EP400: variants seen among roughly 807,000 people sequenced by gnomAD.
EP400 encodes E1A-binding protein p400.
EP400 carries 105 observed loss-of-function variants against 354.1 expected under a neutral mutation model. That is an observed-to-expected ratio of 0.30 (90% CI 0.25 to 0.35). EP400 has a LOEUF of 0.35. EP400 is among the 10% of genes least tolerant of loss of function. The pLI is 1.00. For missense variants in EP400, 3,280 were observed against 4,121.0 expected, an observed-to-expected ratio of 0.80 and a Z score of 5.59; for synonymous variants, 1,646 against 1,716.9, an observed-to-expected ratio of 0.96 and a Z score of 1.02.
chr12:132,023,721 C>T (rs1023220447), intron 23 of EP400, 56 bp from the exon 24 acceptor site: 10 of 1,586,424 alleles, frequency 6.3e-6, no homozygotes, highest in African/African-American at 4.1e-5. Flanking sequence ...CAATATGACA[C>T]TCCCAAATTT....
At position 132,052,878 on chromosome 12, in the gene EP400, G is replaced by GTTC. The variant is rs1895349381; in HGVS notation, c.7395-268_7395-267insTTC. 6.6e-6 allele frequency among the ~76,000 whole-genome samples: 1 copy of GTTC among 152,156 alleles called. No homozygotes were observed. Among genetic ancestry groups the GTTC allele is most frequent in the Non-Finnish European group, 1.5e-5 (1 of 68,008 alleles). On this transcript the variant is annotated intron_variant, in intron 41 of 52. Transcript: ENST00000389561. This position sits in a 1 kb window ranked among gnomAD's most constrained non-coding sequence, Gnocchi z 4.4. The stretch of plus-strand genomic sequence containing the variant: ...GAGGTGGGCTGTGCGTTTGGGGGCT[G>GTTC]CCACAAGTACGCTGGGGACGTGTTC...
intron 2 of EP400, among the ~76,000 whole-genome samples, chr12:131,974,999 A>G (rs1892421954): frequency 6.6e-6 from 1 of 151,748 alleles, no homozygotes. Flanking sequence ...AAAAAAAAAA[A>G]AAAAAAAAAA....
At chr12:132,045,611 A>T in intron 38 of EP400, 51 bp downstream of exon 38, 1 of 1,607,304 alleles carries the variant, frequency 6.2e-7, no homozygotes, top group Non-Finnish European at 8.5e-7. Context: ...CATTTTTCTA[A>T]CGCACGTCCG....
chr12:132,062,162 G>A lies in EP400; in HGVS notation c.7937G>A (p.Arg2646Gln), dbSNP rs372924222. The change falls in exon 46 of 53, where the codon CGG (arginine) becomes CAG (glutamine). Residue 2646 changes from arginine (R) to glutamine (Q), a missense_variant. Physicochemically the swap from Arg to Gln is conservative, Grantham distance 43. Around this residue, in one of 20 missense-constraint regions of EP400, gnomAD observed 255 missense variants for 295.9 expected, o/e 0.86. Transcript: ENST00000389561. ...GTGGTGCACACCCAGCCCCCGCCAC[G>A]GGCAGTCGGCTCCCCAGCCACGGCG... ...AQVVHTQPPP[R>Q]AVGSPATATP... is the part of the protein sequence containing the mutation. The A allele has an allele frequency of 9.3e-6, 15 of 1,613,944 alleles. No homozygotes were observed. The highest frequency in any genetic ancestry group is 1.3e-5 in the Non-Finnish European group (15 of 1,179,936).
intron 16 of EP400, 34 bp downstream of exon 16, chr12:132,011,668 C>T (rs1389674166): frequency 6.4e-7 from 1 of 1,566,976 alleles, no homozygotes; most frequent in Admixed American, 2.1e-5. Flanking sequence ...TAAAGCTAAA[C>T]AGAAAGCCAT....
At chr12:132,049,883 A>G (rs1194819445) in intron 39 of EP400, among the ~76,000 whole-genome samples, 4 of 152,204 alleles carry the variant, frequency 2.6e-5, no homozygotes. Context: ...GTACTTTGAG[A>G]CACCACTGGG....
At chr12:132,062,394 G>C in intron 46 of EP400, 71 bp downstream of exon 46, 1 of 1,610,114 alleles carries the variant, frequency 6.2e-7, no homozygotes, top group Non-Finnish European at 8.5e-7. Flanking sequence ...GCTGCTGCTT[G>C]CTGTCTGAGA....
rs756591889 is a variant in EP400, at chr12:132,023,832, C to T, written c.4746C>T (p.Arg1582=). 6.8e-6 allele frequency: 11 copies of T among 1,613,800 alleles called. No individual in the cohort carries two copies. Among genetic ancestry groups the T allele is most frequent in the Admixed American group, 3.3e-5 (2 of 59,976 alleles). ...CATCCATCACAGGACCACAGAGCCG[C>T]GTGGCTCAGCCAGAGACGCCGGTGA... ...QLASITGPQS[R]VAQPETPVTL... is the part of the protein sequence containing the mutation. Residue 1582 remains arginine, a synonymous_variant, in exon 24 of 53, where the codon CGC becomes CGT. Transcript: ENST00000389561.
At chr12:131,968,059 T>G (rs1441933861) in intron 2 of EP400, among the ~76,000 whole-genome samples, 4 of 152,218 alleles carry the variant, frequency 2.6e-5, no homozygotes, top group Admixed American at 2.6e-4. Context: ...CTTGTTTTTT[T>G]CTTCTCTTAA....
chr12:132,046,860 C>G (rs1895114316), intron 39 of EP400, among the ~76,000 whole-genome samples: 1 of 152,238 alleles, frequency 6.6e-6, no homozygotes, highest in South Asian at 2.1e-4. Context: ...GGGAGGTGTG[C>G]TGCCTGACTT....
intron 1 of EP400, among the ~76,000 whole-genome samples, chr12:131,951,336 G>A (rs759246696): frequency 2.0e-5 from 3 of 151,892 alleles, no homozygotes; most frequent in African/African-American, 4.8e-5. Flanking sequence ...ACAGGCATGA[G>A]CCACCATGCC....
In EP400 at chr12:132,037,986, C is replaced by T. The variant is rs149538454; in HGVS notation, c.6097C>T (p.Pro2033Ser). The T allele has an allele frequency of 1.5e-3, 2,353 of 1,614,178 alleles. 2 individuals are homozygous for T. The highest frequency in any genetic ancestry group is 1.9e-3 in the Admixed American group (115 of 60,022). ...CCAGGAGCTGTTTGAAGTTTATTCTCCCATGGATGATGCTGGCTTCCCGGT... is the reference window on the plus strand; with the variant it reads ...CCAGGAGCTGTTTGAAGTTTATTCTTCCATGGATGATGCTGGCTTCCCGGT... ...TIQELFEVYS[P>S]MDDAGFPVKA... The change falls in exon 32 of 53, where the codon CCC (proline) becomes TCC (serine). Residue 2033 changes from proline (P) to serine (S), a missense_variant. Pro to Ser is a moderately conservative substitution (Grantham distance 74). Coordinates refer to ENST00000389561, the MANE Select transcript of EP400 (RefSeq NM_015409.5).
intron 39 of EP400, among the ~76,000 whole-genome samples, chr12:132,047,633 AGGCAG>A (rs1199731818): frequency 5.9e-5 from 9 of 152,206 alleles, no homozygotes; most frequent in Admixed American, 1.3e-4. Flanking sequence ...AGGTAAATGG[AGGCAG>A]GGCGAGATCA....
chr12:131,987,790 C>T lies in EP400; in HGVS notation c.2309C>T (p.Pro770Leu). 6.2e-7 allele frequency: 1 copy of T among 1,613,148 alleles called. No individual in the cohort carries two copies. The highest frequency in any genetic ancestry group is 8.5e-7 in the Non-Finnish European group (1 of 1,179,944). The change falls in exon 7 of 53, where the codon CCA becomes CTA. Residue 770 changes from proline to leucine, a missense_variant. By Grantham distance (98) the Pro-to-Leu change is moderately conservative. Transcript: ENST00000389561. ...CGTCTGCCAAAGCTGCAGGAGGCCC[C>T]ACGCCCCAAGTCCCACTGGGACTAT... ...QRRLPKLQEA[P>L]RPKSHWDYLL...
Position 132,070,391 on chromosome 12 carries a change from T to A in EP400, c.9021+750T>A, listed in dbSNP as rs1896032141. ...AATTCTGTCATCCATCGATCCACAG[T>A]GCCGCCTCCACCTGAGATCCTGTGG... On this transcript the variant is annotated intron_variant, in intron 51 of 52. Coordinates refer to ENST00000389561, the MANE Select transcript of EP400 (RefSeq NM_015409.5). The surrounding 1 kb of genome is among the most constrained non-coding windows in gnomAD (Gnocchi z 4.1). 6.6e-6 allele frequency among the ~76,000 whole-genome samples: 1 copy of A among 152,256 alleles called. No individual in the cohort carries two copies. The highest frequency in any genetic ancestry group is 1.5e-5 in the Non-Finnish European group (1 of 68,046).
chr12:132,015,903 A>G (rs545461563), intron 19 of EP400, among the ~76,000 whole-genome samples: 18 of 152,038 alleles, frequency 1.2e-4, no homozygotes, highest in Non-Finnish European at 2.2e-4. Flanking sequence ...TGCAGGGACC[A>G]TGCCACACCC....
At position 132,067,279 on chromosome 12, in the gene EP400, G is replaced by T. The variant is rs1895922152; in HGVS notation, c.8750-83G>T. ...TTCATAGTTTGTTATTTTCTGTAGAGGTGAGTCAGTTGGAACAGAGCTTGG... is the reference window on the plus strand; with the variant it reads ...TTCATAGTTTGTTATTTTCTGTAGATGTGAGTCAGTTGGAACAGAGCTTGG... On this transcript the variant is annotated intron_variant, in intron 49 of 52. Coordinates refer to ENST00000389561, the MANE Select transcript of EP400 (RefSeq NM_015409.5). The surrounding 1 kb of genome is among the most constrained non-coding windows in gnomAD (Gnocchi z 5.3). The T allele has an allele frequency of 2.6e-6, 4 of 1,547,336 alleles. No individual in the cohort carries two copies. In the African/African-American group the frequency reaches 4.1e-5, roughly 16 times the overall value.
chr12:132,061,608 GAGTGGACTGCAGGGCAC>G lies in EP400; in HGVS notation c.7885-497_7885-481del, dbSNP rs1895697131. 3.3e-5 allele frequency among the ~76,000 whole-genome samples: 5 copies of G among 152,360 alleles called. No homozygotes were observed. In the South Asian group the frequency reaches 1.0e-3, roughly 32 times the overall value. ...GGCTGCCACTTCTGCCTGCGGGCCA[GAGTGGACTGCAGGGCAC>G]AGTGAGGATGCTCTGAATTTTAGGC... On this transcript the variant is annotated intron_variant, in intron 45 of 52. Coordinates refer to ENST00000389561, the MANE Select transcript of EP400 (RefSeq NM_015409.5).
At chr12:132,055,752 GTA>G (rs1022472111) in intron 45 of EP400, among the ~76,000 whole-genome samples, 11 of 147,974 alleles carry the variant, frequency 7.4e-5, no homozygotes, top group Admixed American at 4.7e-4. Flanking sequence ...GTGTAGGAGG[GTA>G]TGTGTGTGTG....
Sources: gnomAD v4.1 joint callset for allele counts (sites outside exome capture counted in the v4.1 genomes callset) on GRCh38, gnomAD v4.1.1 for gene constraint, gnomAD v4.1.1 regional missense constraint, Gnocchi (gnomAD v3.1) non-coding constraint, MANE v1.5 for transcripts, NCBI Gene and HGNC (gene_info 2026-07-23, HGNC 2026-07-21) for gene names.